Variants in UBN1 observed in about 807,000 individuals in gnomAD.
The protein encoded by UBN1 is ubinuclein 1.
A neutral mutation model predicts 108.5 loss-of-function variants in UBN1; 17 were observed. The observed-to-expected ratio is 0.16, with a 90% confidence interval of 0.11 to 0.24. The LOEUF is 0.24. Among genes scored for constraint, UBN1 ranks in the 10% least tolerant of loss-of-function variants. UBN1 has a pLI of 1.00. For synonymous variants in UBN1, 726 were observed against 564.2 expected, an observed-to-expected ratio of 1.29 and a Z score of -4.07; for missense variants, 1,595 against 1,394.4, an observed-to-expected ratio of 1.14 and a Z score of -2.29.
chr16:4,859,791 A>C, intron 5 of UBN1, 74 bp from the exon 6 acceptor site: 1 of 1,594,022 alleles, frequency 6.3e-7, no homozygotes, highest in Non-Finnish European at 8.5e-7. Flanking sequence ...GGGCGGAGCA[A>C]GGCCAGTGCC....
intron 17 of UBN1, among the ~76,000 whole-genome samples, chr16:4,878,800 C>T (rs149755913): frequency 1.1e-4 from 17 of 152,306 alleles, no homozygotes; most frequent in African/African-American, 4.1e-4. Context: ...TGCCTGAGTC[C>T]AGGAGTTCAA....
Position 4,870,508 on chromosome 16 carries a change from C to T in UBN1, c.1312-8C>T, listed in dbSNP as rs1212424251. 1.8e-5 allele frequency: 29 copies of T among 1,614,042 alleles called. No individual in the cohort carries two copies. Among genetic ancestry groups the T allele is most frequent in the Non-Finnish European group, 2.3e-5 (27 of 1,179,988 alleles). ...AACCTGCCTTGAATTGTGTCCCGCT[C>T]TTCGCAGGGGGGCCGTCTGAAGGAG... On this transcript the variant is annotated splice_region_variant and splice_polypyrimidine_tract_variant and intron_variant, in intron 9 of 17. Transcript: ENST00000262376.
chr16:4,854,580 G>T (rs1365358396), intron 2 of UBN1, among the ~76,000 whole-genome samples: 1 of 146,304 alleles, frequency 6.8e-6, no homozygotes, highest in African/African-American at 2.6e-5. Context: ...AGGCCATGCT[G>T]GTCTCCAACT....
chr16:4,856,347 C>T (rs2086809306), intron 2 of UBN1, among the ~76,000 whole-genome samples: 1 of 152,216 alleles, frequency 6.6e-6, no homozygotes, highest in South Asian at 2.1e-4. Context: ...CGTGGGTCTA[C>T]TCTGCAGTGT....
Position 4,877,485 on chromosome 16 carries a change from G to A in UBN1, c.3355+11G>A, listed in dbSNP as rs368593908. ...CGCAGAGTCTGCCAGGTAATCACCC[G>A]ACGGTCAGTGTGCCACGCGCACCGT... is the stretch of plus-strand genomic sequence containing the variant. On this transcript the variant is annotated intron_variant, in intron 17 of 17. Coordinates refer to ENST00000262376, the MANE Select transcript of UBN1 (RefSeq NM_001079514.3). The surrounding 1 kb of genome is among the most constrained non-coding windows in gnomAD (Gnocchi z 4.3). The A allele has an allele frequency of 6.2e-6, 10 of 1,606,362 alleles. No homozygotes were observed. Among genetic ancestry groups the A allele is most frequent in the Admixed American group, 5.0e-5 (3 of 59,484 alleles).
intron 7 of UBN1, 151 bp from the exon 8 acceptor site, chr16:4,868,682 T>C (rs1454026866): frequency 4.5e-6 from 3 of 660,898 alleles, no homozygotes; most frequent in Non-Finnish European, 7.7e-6. Flanking sequence ...CAGGCGAACT[T>C]AACCTGGGAC....
At chr16:4,855,023 G>C (rs773809062) in intron 2 of UBN1, among the ~76,000 whole-genome samples, 1 of 152,066 alleles carries the variant, frequency 6.6e-6, no homozygotes, top group African/African-American at 2.4e-5. Flanking sequence ...TGCCTGGCCC[G>C]TGAAAAGCAT....
Position 4,877,436 on chromosome 16 carries a change from A to G in UBN1, c.3317A>G (p.His1106Arg). The G allele has an allele frequency of 6.2e-7, 1 of 1,612,150 alleles. No homozygotes were observed. Among genetic ancestry groups the G allele is most frequent in the Non-Finnish European group, 8.5e-7 (1 of 1,179,686 alleles). Residue 1106 changes from histidine to arginine, a missense_variant, in exon 17 of 18, where the codon CAC becomes CGC. Coordinates refer to ENST00000262376, the MANE Select transcript of UBN1 (RefSeq NM_001079514.3). This position sits in a 1 kb window ranked among gnomAD's most constrained non-coding sequence, Gnocchi z 4.3. ...CCGCCCCATGCAGCGCCTCTCCCAC[A>G]CGCTGCGGTGCCCACCCATATCCCG... ...SSPPHAAPLP[H>R]AAVPTHIPQS...
At position 4,881,602 on chromosome 16, in the gene UBN1, C is replaced by T. The variant is rs181417782; in HGVS notation, c.*1470C>T. ...AGCGCCCAGTAACTCATCCTTCATT[C>T]AGAGGTTTGCTGGCCTTCCCGGTTT... On this transcript the variant is annotated 3_prime_UTR_variant, in exon 18 of 18. Coordinates refer to ENST00000262376, the MANE Select transcript of UBN1 (RefSeq NM_001079514.3). 3 of 152,298 alleles carry T rather than the reference C, an allele frequency of 2.0e-5. No homozygotes were observed. Among genetic ancestry groups the T allele is most frequent in the South Asian group, 2.1e-4 (1 of 4,822 alleles). The allele number at this position is 152,298 out of a possible 1,614,324, so 9.4% of individuals were successfully genotyped here. A position where few individuals can be genotyped will look rare whatever the true frequency, so the allele number is the denominator to read the frequency against.
In UBN1 at chr16:4,869,349, C is replaced by T. The variant is rs900266590; in HGVS notation, c.1181+446C>T. 3.9e-5 allele frequency among the ~76,000 whole-genome samples: 6 copies of T among 152,352 alleles called. No homozygotes were observed. The East Asian group carries it at 5.8e-4, about 15-fold the overall frequency. ...GCTGGCACTCCTGTTCCTAGTGCCACGTGCATCATCCCTAATGCTGTTCCC... is the reference window on the plus strand; with the variant it reads ...GCTGGCACTCCTGTTCCTAGTGCCATGTGCATCATCCCTAATGCTGTTCCC... On this transcript the variant is annotated intron_variant, in intron 8 of 17. Transcript: ENST00000262376.
At position 4,877,050 on chromosome 16, in the gene UBN1, C is replaced by T. The variant is rs774428831; in HGVS notation, c.3204C>T (p.Val1068=). ...CTGACTCCTCTGCCAAAGCAGGGGT[C>T]TCCAAGGATGCCATCGTCACAGGCC... The part of the protein sequence containing the change: ...FSADSSAKAG[V]SKDAIVTGPA... The change falls in exon 16 of 18, where the codon GTC becomes GTT. Residue 1068 remains valine (V), a synonymous_variant. Coordinates refer to ENST00000262376, the MANE Select transcript of UBN1 (RefSeq NM_001079514.3). This position sits in a 1 kb window ranked among gnomAD's most constrained non-coding sequence, Gnocchi z 4.3. The T allele has an allele frequency of 6.2e-7, 1 of 1,614,090 alleles. No homozygotes were observed. Among genetic ancestry groups the T allele is most frequent in the African/African-American group, 1.3e-5 (1 of 74,942 alleles).
chr16:4,851,679 G>C (rs897338080), intron 1 of UBN1, among the ~76,000 whole-genome samples: 2 of 152,032 alleles, frequency 1.3e-5, no homozygotes, highest in Non-Finnish European at 2.9e-5. Flanking sequence ...AATTAGCCAG[G>C]CATGGTGGGA....
At chr16:4,860,579 A>G in intron 6 of UBN1, 85 bp from the exon 7 acceptor site, 1 of 1,363,548 alleles carries the variant, frequency 7.3e-7, no homozygotes, top group Non-Finnish European at 9.9e-7. Context: ...GGAGACCATG[A>G]CCCTGGGAGC....
intron 6 of UBN1, 46 bp downstream of exon 6, chr16:4,860,014 G>C: frequency 6.2e-7 from 1 of 1,608,666 alleles, no homozygotes; most frequent in Non-Finnish European, 8.5e-7. Context: ...TGAACTGTTA[G>C]GGCAGGACGA....
In UBN1 at chr16:4,860,812, G is replaced by T; in HGVS notation, c.820G>T (p.Ala274Ser). ...GCATAAGCCTGTTGCGGTCCCATCA[G>T]CGGAAGCTCAGGGCCTGCGGGAACT... ...EEHKPVAVPS[A>S]EAQGLRELEG... The change falls in exon 7 of 18, where the codon GCG becomes TCG. Residue 274 changes from alanine to serine, a missense_variant. This residue lies in a region of UBN1 where 1,398 missense variants were observed against 1,194.7 expected (regional missense o/e 1.17). Coordinates refer to ENST00000262376, the MANE Select transcript of UBN1 (RefSeq NM_001079514.3). 6.2e-7 allele frequency: 1 copy of T among 1,614,284 alleles called. No homozygotes were observed. The highest frequency in any genetic ancestry group is 2.2e-5 in the East Asian group (1 of 44,892).
chr16:4,847,954 C>G lies in UBN1; in HGVS notation c.-296C>G, dbSNP rs2086280453. The G allele has an allele frequency of 6.5e-6, 1 of 152,882 alleles. No homozygotes were observed. Among genetic ancestry groups the G allele is most frequent in the South Asian group, 2.1e-4 (1 of 4,862 alleles). The allele number at this position is 152,882 out of a possible 1,614,324, so 9.5% of individuals were successfully genotyped here. On this transcript the variant is annotated 5_prime_UTR_variant, in exon 1 of 18. Transcript: ENST00000262376. The stretch of plus-strand genomic sequence containing the variant: ...TCCTGGGGCGACCGGAGGCTGCTCC[C>G]CCGACCCCCTGGTGTCCCCGGAGTG...
At chr16:4,864,145 A>G (rs1004565359) in intron 7 of UBN1, among the ~76,000 whole-genome samples, 1 of 142,766 alleles carries the variant, frequency 7.0e-6, no homozygotes, top group African/African-American at 2.6e-5. Context: ...CAGTGGTGCA[A>G]TCTCAGCTCA....
chr16:4,874,657 C>G lies in UBN1; in HGVS notation c.2247C>G (p.Ser749=), dbSNP rs749317750. The part of the protein sequence containing the change: ...LAEQALALGQ[S]SQEKKPESSG... Reference sequence around the variant, plus strand: ...AACAGGCTCTGGCACTGGGGCAGTCCTCTCAGGAGAAAAAACCAGAGAGTT... The same window carrying G: ...AACAGGCTCTGGCACTGGGGCAGTCGTCTCAGGAGAAAAAACCAGAGAGTT... The change falls in exon 15 of 18, where the codon TCC becomes TCG. Residue 749 remains serine, a synonymous_variant. Transcript: ENST00000262376. The G allele has an allele frequency of 6.2e-7, 1 of 1,614,208 alleles. No homozygotes were observed. Among genetic ancestry groups the G allele is most frequent in the South Asian group, 1.1e-5 (1 of 91,082 alleles).
intron 7 of UBN1, among the ~76,000 whole-genome samples, chr16:4,861,857 G>A (rs1375973317): frequency 6.6e-6 from 1 of 152,194 alleles, no homozygotes; most frequent in South Asian, 2.1e-4. Flanking sequence ...CAGCAGAATC[G>A]CTTGAACCCA....
Sources: allele counts gnomAD v4.1 joint callset (sites outside exome capture counted in the v4.1 genomes callset), GRCh38; gene constraint gnomAD v4.1.1; regional missense constraint gnomAD v4.1.1; non-coding constraint Gnocchi (gnomAD v3.1); transcripts MANE v1.5; gene names NCBI Gene and HGNC (gene_info 2026-07-23, HGNC 2026-07-21).